The following GRIK2 variants were observed in gnomAD, a reference collection of about 807,000 sequenced individuals.
The protein encoded by GRIK2 is glutamate ionotropic receptor kainate type subunit 2, also known as glutamate receptor ionotropic, kainate 2.
In GRIK2, 32 loss-of-function variants were observed where a neutral mutation model predicts 100.3. The ratio of observed to expected loss-of-function variants is 0.32; its 90% CI spans 0.24 to 0.43. The LOEUF is 0.43. Ranked by LOEUF, GRIK2 falls within the 20% of genes least tolerant of loss-of-function variation. The pLI is 1.00. For synonymous variants in GRIK2, 417 were observed against 389.4 expected (o/e 1.07, Z -0.83); for missense variants, 843 against 1,114.9 (o/e 0.76, Z 3.47).
At chr6:101,942,561 A>T (rs773690858) in intron 14 of GRIK2, among the ~76,000 whole-genome samples, 1 of 152,172 alleles carries the variant, frequency 6.6e-6, no homozygotes, top group Non-Finnish European at 1.5e-5. Context: ...GAGATGATGA[A>T]CTTATTGGGA....
Position 101,499,152 on chromosome 6 carries a change from A to T in GRIK2, c.115+99760A>T, listed in dbSNP as rs563688408. ...AAGATGGATTAAAGACTTAAACGTT[A>T]GACAACCTTATTTTTTATTAATACT... On this transcript the variant is annotated intron_variant, in intron 2 of 16. Coordinates refer to ENST00000369134, the MANE Select transcript of GRIK2 (RefSeq NM_021956.5). Among the ~76,000 whole-genome samples, 8 of 152,304 alleles carry T rather than the reference A, an allele frequency of 5.3e-5. No homozygotes were observed. The South Asian group carries it at 1.7e-3, about 32-fold the overall frequency.
intron 3 of GRIK2, among the ~76,000 whole-genome samples, chr6:101,624,072 A>T (rs529899056): frequency 2.4e-3 from 365 of 152,080 alleles, no homozygotes; most frequent in Non-Finnish European, 3.1e-3. Context: ...ATTTTATCTA[A>T]TTTTTTTCTG....
At chr6:101,433,123 T>C (rs571711473) in intron 2 of GRIK2, among the ~76,000 whole-genome samples, 1 of 152,026 alleles carries the variant, frequency 6.6e-6, no homozygotes, top group African/African-American at 2.4e-5. Context: ...TCCCAGAAAA[T>C]CCCAAGAGAT....
intron 1 of GRIK2, among the ~76,000 whole-genome samples, chr6:101,397,330 A>T (rs1775050509): frequency 6.6e-6 from 1 of 152,218 alleles, no homozygotes; most frequent in African/African-American, 2.4e-5. Context: ...GAGACAGCAA[A>T]TAGAAGACAG....
At chr6:101,620,443 A>AT (rs1780104236) in intron 2 of GRIK2, among the ~76,000 whole-genome samples, 1 of 152,164 alleles carries the variant, frequency 6.6e-6, no homozygotes, top group African/African-American at 2.4e-5. Context: ...GTATCAAATA[A>AT]TATTTTTTAT....
At chr6:101,895,392 C>CGTG (rs1270770791) in intron 12 of GRIK2, among the ~76,000 whole-genome samples, 2 of 151,684 alleles carry the variant, frequency 1.3e-5, no homozygotes, top group Non-Finnish European at 3.0e-5. Flanking sequence ...ACCACCAACA[C>CGTG]TGTCTTAACT....
chr6:101,797,510 A>G (rs759139717), intron 7 of GRIK2, among the ~76,000 whole-genome samples: 1 of 150,406 alleles, frequency 6.6e-6, no homozygotes, highest in African/African-American at 2.4e-5. Context: ...TAAATATATT[A>G]ATTACCCATA....
chr6:101,735,760 C>T (rs1163648631), intron 7 of GRIK2, among the ~76,000 whole-genome samples: 1 of 152,156 alleles, frequency 6.6e-6, no homozygotes, highest in Non-Finnish European at 1.5e-5. Context: ...CCTCCCCAGG[C>T]CCCTCCTAAA....
chr6:101,695,731 C>T (rs1296367400), intron 7 of GRIK2, among the ~76,000 whole-genome samples: 1 of 152,044 alleles, frequency 6.6e-6, no homozygotes, highest in Non-Finnish European at 1.5e-5. Context: ...CAGAAATGCA[C>T]TTAATACACC....
At chr6:101,879,921 C>T (rs547734519) in intron 11 of GRIK2, among the ~76,000 whole-genome samples, 4 of 152,020 alleles carry the variant, frequency 2.6e-5, no homozygotes, top group African/African-American at 9.6e-5. Flanking sequence ...TTTGACTTTA[C>T]AAGAAATTGG....
chr6:101,875,355 C>T (rs1785750790), intron 11 of GRIK2, among the ~76,000 whole-genome samples: 1 of 151,768 alleles, frequency 6.6e-6, no homozygotes, highest in African/African-American at 2.4e-5. Flanking sequence ...TAAGTACTAT[C>T]GCTAGTCATT....
rs151164144 is a variant in GRIK2 at position 101,677,629 on chromosome 6, T to C, written c.723+825T>C. ...CCTACACTTACTATGTAGTAGAGCCTGGATTTGAACACAAATTTTTGGATT... is the reference window on the plus strand; with the variant it reads ...CCTACACTTACTATGTAGTAGAGCCCGGATTTGAACACAAATTTTTGGATT... On this transcript the variant is annotated intron_variant, in intron 5 of 16. Transcript: ENST00000369134. 2.6e-5 allele frequency among the ~76,000 whole-genome samples: 4 copies of C among 152,244 alleles called. No homozygotes were observed. In the East Asian group the frequency reaches 7.7e-4, roughly 29 times the overall value.
chr6:101,782,901 G>C (rs1325361438), intron 7 of GRIK2, among the ~76,000 whole-genome samples: 4 of 145,412 alleles, frequency 2.8e-5, no homozygotes, highest in African/African-American at 1.0e-4. Context: ...CTGTCGCCCA[G>C]GCTGGAGTGC....
intron 2 of GRIK2, among the ~76,000 whole-genome samples, chr6:101,526,388 T>C (rs1381079282): frequency 6.6e-6 from 1 of 152,172 alleles, no homozygotes; most frequent in African/African-American, 2.4e-5. Flanking sequence ...TTTAGAAAAC[T>C]ATATGCATTT....
At chr6:101,839,210 C>T (rs1482114382) in intron 10 of GRIK2, among the ~76,000 whole-genome samples, 1 of 152,164 alleles carries the variant, frequency 6.6e-6, no homozygotes, top group African/African-American at 2.4e-5. Context: ...TGCTCATAAC[C>T]TCACAACTAC....
At chr6:101,639,428 T>C (rs1435924203) in intron 4 of GRIK2, among the ~76,000 whole-genome samples, 1 of 152,168 alleles carries the variant, frequency 6.6e-6, no homozygotes, top group Non-Finnish European at 1.5e-5. Flanking sequence ...CTAGACTTTT[T>C]AGAGGTATTT....
intron 2 of GRIK2, among the ~76,000 whole-genome samples, chr6:101,618,359 A>C (rs1275502348): frequency 1.3e-5 from 2 of 151,568 alleles, no homozygotes; most frequent in Non-Finnish European, 3.0e-5. Flanking sequence ...ATACTATTTC[A>C]TTATTTGTTT....
chr6:101,940,921 G>T (rs985263541), intron 14 of GRIK2, among the ~76,000 whole-genome samples: 1 of 151,900 alleles, frequency 6.6e-6, no homozygotes, highest in African/African-American at 2.4e-5. Context: ...AGACATTTTT[G>T]CAATAAACTT....
rs187762472 is a variant in GRIK2, at chr6:101,518,152, G to A, written c.116-103797G>A. Among the ~76,000 whole-genome samples, 271 of 152,124 alleles carry A rather than the reference G, an allele frequency of 1.8e-3. 1 individual carries two copies. The highest frequency in any genetic ancestry group is 6.4e-3 in the African/African-American group (266 of 41,512). ...TAAGATGGAGCATTTATTGGAATGC[G>A]TTTTGTTTAAGACTAATATGTTGGC... On this transcript the variant is annotated intron_variant, in intron 2 of 16. Coordinates refer to ENST00000369134, the MANE Select transcript of GRIK2 (RefSeq NM_021956.5).
Sources: gnomAD v4.1 joint callset for allele counts (sites outside exome capture counted in the v4.1 genomes callset) on GRCh38, gnomAD v4.1.1 for gene constraint, MANE v1.5 for transcripts, NCBI Gene and HGNC (gene_info 2026-07-23, HGNC 2026-07-21) for gene names.